The following ACOT1 variants were observed in gnomAD, a reference collection of about 807,000 sequenced individuals.
ACOT1 encodes acyl-coenzyme A thioesterase 1.
ACOT1 carries 8 observed loss-of-function variants against 15.7 expected under a neutral mutation model. That is an observed-to-expected ratio of 0.51 (90% CI 0.30 to 0.92). The LOEUF is 0.92. Among genes scored for constraint, ACOT1 ranks in the 40% least tolerant of loss-of-function variants. The probability of loss-of-function intolerance (pLI) is 0.06; values close to 1 mark genes in which losing one functional copy is unlikely to be tolerated. For missense variants in ACOT1, 151 were observed against 539.4 expected, an observed-to-expected ratio of 0.28 and a Z score of 7.13; for synonymous variants, 67 against 241.2, an observed-to-expected ratio of 0.28 and a Z score of 6.69.
chr14:73,526,469 G>C, the ACOT1 span, among the ~76,000 whole-genome samples: 3 of 152,204 alleles, frequency 2.0e-5, no homozygotes, highest in Non-Finnish European at 2.9e-5. Context: ...TGGTGAACAA[G>C]GGAGTGCCTG....
At chr14:73,522,344 A>G in the ACOT1 span, 1 of 1,614,190 alleles carries the variant, frequency 6.2e-7, no homozygotes, top group Non-Finnish European at 8.5e-7. Context: ...TTGATCCTCA[A>G]ACTCTGCTGT....
intron 1 of ACOT1, among the ~76,000 whole-genome samples, chr14:73,540,167 G>A (rs1473395787): frequency 1.4e-5 from 2 of 144,592 alleles, no homozygotes; most frequent in African/African-American, 2.5e-5. Context: ...ATATTCATCT[G>A]CTCTGGGCAA....
At chr14:73,520,967 A>T in the ACOT1 span, 1 of 1,613,752 alleles carries the variant, frequency 6.2e-7, no homozygotes, top group South Asian at 1.1e-5. Flanking sequence ...TCGTCTTTTC[A>T]TGGATATCCT....
chr14:73,494,835 C>T, the ACOT1 span, among the ~76,000 whole-genome samples: 114,684 of 152,012 alleles, frequency 0.75, 43,598 homozygotes, highest in East Asian at 0.86. Context: ...CACTGAGAGT[C>T]CAGGTGTGCG....
chr14:73,495,740 A>G, the ACOT1 span, among the ~76,000 whole-genome samples: 1 of 152,184 alleles, frequency 6.6e-6, no homozygotes, highest in Non-Finnish European at 1.5e-5. Context: ...ACCTGCTAAG[A>G]ATTGCTTGCT....
the ACOT1 span, chr14:73,492,274 C>G: frequency 5.0e-6 from 8 of 1,614,046 alleles, no homozygotes. This position sits in a 1 kb window ranked among gnomAD's most constrained non-coding sequence, Gnocchi z 4.9. Flanking sequence ...TGCACCTCAC[C>G]TTGTCCACGT....
the ACOT1 span, among the ~76,000 whole-genome samples, chr14:73,500,347 A>G: frequency 6.6e-6 from 1 of 151,614 alleles, no homozygotes; most frequent in Admixed American, 6.6e-5. Flanking sequence ...GCCCAAGACA[A>G]TTCTTCCATT....
chr14:73,491,273 G>C, the ACOT1 span: 3 of 1,568,348 alleles, frequency 1.9e-6, no homozygotes, highest in Non-Finnish European at 2.6e-6. Flanking sequence ...GGCGGCGGTG[G>C]CGGCCGTCCC....
At chr14:73,527,576 C>T in the ACOT1 span, among the ~76,000 whole-genome samples, 2 of 151,782 alleles carry the variant, frequency 1.3e-5, no homozygotes, top group Non-Finnish European at 2.9e-5. Context: ...AGCATCACTT[C>T]TAGAGCTGAA....
chr14:73,498,186 G>A, the ACOT1 span: 3 of 1,613,316 alleles, frequency 1.9e-6, no homozygotes, highest in Non-Finnish European at 2.5e-6. Context: ...TCCAGGAGCA[G>A]CACGTCTAGG....
chr14:73,498,153 A>G, the ACOT1 span: 11 of 1,603,588 alleles, frequency 6.9e-6, no homozygotes, highest in Non-Finnish European at 2.6e-6. Flanking sequence ...TTTAGTGCTT[A>G]CTTTAGAACA....
chr14:73,514,024 C>A, the ACOT1 span: 13 of 1,613,846 alleles, frequency 8.1e-6, no homozygotes, highest in South Asian at 1.4e-4. Context: ...GACCTCCCTT[C>A]ACTCACTCAG....
chr14:73,492,094 A>T, the ACOT1 span: 1 of 1,613,952 alleles, frequency 6.2e-7, no homozygotes. This position sits in a 1 kb window ranked among gnomAD's most constrained non-coding sequence, Gnocchi z 4.9. Flanking sequence ...TCTGGCGTGT[A>T]TACCGACCCC....
the ACOT1 span, among the ~76,000 whole-genome samples, chr14:73,512,651 G>A: frequency 6.6e-6 from 1 of 152,196 alleles, no homozygotes; most frequent in African/African-American, 2.4e-5. Flanking sequence ...GCAAGATAAT[G>A]AAGGTTCAAT....
At chr14:73,492,637 C>G in the ACOT1 span, 1 of 1,613,888 alleles carries the variant, frequency 6.2e-7, no homozygotes, top group South Asian at 1.1e-5. This position sits in a 1 kb window ranked among gnomAD's most constrained non-coding sequence, Gnocchi z 4.9. Flanking sequence ...ACGTGGGGGC[C>G]CAGTTGACAA....
the ACOT1 span, chr14:73,500,679 C>G: frequency 8.1e-6 from 13 of 1,614,054 alleles, no homozygotes; most frequent in Middle Eastern, 1.6e-4. Context: ...GCTCACCTAT[C>G]AGGTAGAGAG....
At chr14:73,518,499 A>G in the ACOT1 span, among the ~76,000 whole-genome samples, 1 of 152,176 alleles carries the variant, frequency 6.6e-6, no homozygotes. Context: ...ACAAAGAGTC[A>G]TGGGAAATAG....
the ACOT1 span, among the ~76,000 whole-genome samples, chr14:73,514,547 A>G: frequency 6.6e-6 from 1 of 152,128 alleles, no homozygotes; most frequent in Admixed American, 6.6e-5. Flanking sequence ...AGGAACATAA[A>G]TATGTTTATA....
At chr14:73,493,286 G>A in the ACOT1 span, 11 of 603,068 alleles carry the variant, frequency 1.8e-5, no homozygotes, top group East Asian at 3.1e-4. Flanking sequence ...TTGGAATTTG[G>A]ATCTTTCATC....
Sources: allele counts gnomAD v4.1 joint callset (sites outside exome capture counted in the v4.1 genomes callset), GRCh38; gene constraint gnomAD v4.1.1; non-coding constraint Gnocchi (gnomAD v3.1); transcripts MANE v1.5; gene names NCBI Gene and HGNC (gene_info 2026-07-23, HGNC 2026-07-21).